Variants in ASTN2 observed in about 807,000 individuals in gnomAD.
ASTN2 encodes the protein astrotactin-2.
Under a neutral mutation model 139.8 loss-of-function variants are expected in ASTN2, and 54 were observed. The ratio of observed to expected loss-of-function variants is 0.39; its 90% CI spans 0.31 to 0.48. The LOEUF (loss-of-function observed/expected upper bound fraction) is 0.48, where lower values mean the gene tolerates loss of function less well. Among genes scored for constraint, ASTN2 ranks in the 20% least tolerant of loss-of-function variants. The pLI, the probability that ASTN2 is intolerant of heterozygous loss-of-function variation, is 0.95. For synonymous variants in ASTN2, 756 were observed against 719.5 expected (o/e 1.05, Z -0.81); for missense variants, 1,565 against 1,725.1 (o/e 0.91, Z 1.64).
At chr9:117,293,730 C>A (rs997309178) in intron 1 of ASTN2, among the ~76,000 whole-genome samples, 1 of 152,218 alleles carries the variant, frequency 6.6e-6, no homozygotes. Flanking sequence ...TGGCAGACAG[C>A]CAGCTGGGCC....
intron 1 of ASTN2, among the ~76,000 whole-genome samples, chr9:117,399,367 T>A (rs1184754720): frequency 6.6e-6 from 1 of 152,122 alleles, no homozygotes; most frequent in Non-Finnish European, 1.5e-5. Context: ...AGAAAAGATA[T>A]TTTTAAAATA....
At chr9:116,840,857 G>T (rs958156678) in intron 11 of ASTN2, among the ~76,000 whole-genome samples, 3 of 151,212 alleles carry the variant, frequency 2.0e-5, no homozygotes, top group Non-Finnish European at 2.9e-5. Flanking sequence ...TCCTAGATGG[G>T]ATGGCGGCCG....
Position 116,683,953 on chromosome 9 carries a change from G to T in ASTN2, c.2807-32160C>A, listed in dbSNP as rs956939540. On this transcript the variant is annotated intron_variant, in intron 16 of 22. Transcript: ENST00000313400. ...TGTATAGAGCCAATTAAAGCCCCCT[G>T]GGGAATCTAACCTCAGACCTTGTCT... 8.5e-5 allele frequency among the ~76,000 whole-genome samples: 13 copies of T among 152,272 alleles called. No individual in the cohort carries two copies. The South Asian group carries it at 2.7e-3, about 32-fold the overall frequency.
At chr9:116,635,982 C>G (rs1439955138) in intron 17 of ASTN2, among the ~76,000 whole-genome samples, 1 of 152,156 alleles carries the variant, frequency 6.6e-6, no homozygotes, top group African/African-American at 2.4e-5. Flanking sequence ...ATAGAAGAAA[C>G]TCTAGAATCC....
Position 116,780,198 on chromosome 9 carries a change from A to T in ASTN2, c.2396+25434T>A, listed in dbSNP as rs191078289. 1.4e-4 allele frequency among the ~76,000 whole-genome samples: 21 copies of T among 152,372 alleles called. No homozygotes were observed. In the East Asian group the frequency reaches 4.0e-3, roughly 29 times the overall value. On this transcript the variant is annotated intron_variant, in intron 13 of 22. Transcript: ENST00000313400. ...AAAGAAGCAAACGGTAGAATACCAAATTCTGTGTGGCCAGGGTGGAGCAGA... is the reference window on the plus strand; with the variant it reads ...AAAGAAGCAAACGGTAGAATACCAATTTCTGTGTGGCCAGGGTGGAGCAGA...
chr9:116,629,064 C>T (rs1856600330), intron 17 of ASTN2, among the ~76,000 whole-genome samples: 2 of 151,544 alleles, frequency 1.3e-5, no homozygotes, highest in African/African-American at 4.9e-5. Flanking sequence ...TTCCTATTAT[C>T]CTCCCAACAA....
In ASTN2 at chr9:116,567,754, A is replaced by C. The variant is rs373760033; in HGVS notation, c.3355+50570T>G. Among the ~76,000 whole-genome samples, 4 of 152,340 alleles carry C rather than the reference A, an allele frequency of 2.6e-5. 1 individual carries two copies. The highest frequency in any genetic ancestry group is 1.9e-4 in the East Asian group (1 of 5,188). ...ACGGTTGGCAGGCAGAAGGCAGGAC[A>C]GATCATACTACTAGTTATTGAATAA... On this transcript the variant is annotated intron_variant, in intron 19 of 22. Coordinates refer to ENST00000313400, the MANE Select transcript of ASTN2 (RefSeq NM_001365068.1).
intron 10 of ASTN2, among the ~76,000 whole-genome samples, chr9:116,894,604 C>T (rs1309100231): frequency 6.6e-6 from 1 of 152,198 alleles, no homozygotes; most frequent in Non-Finnish European, 1.5e-5. Context: ...ATCCTCCTGC[C>T]TCAACCTCCC....
intron 3 of ASTN2, among the ~76,000 whole-genome samples, chr9:117,204,138 T>C (rs780995563): frequency 1.3e-5 from 2 of 152,220 alleles, no homozygotes; most frequent in Non-Finnish European, 2.9e-5. Context: ...TGTGGCCGCC[T>C]ACTGCCATTG....
intron 1 of ASTN2, among the ~76,000 whole-genome samples, chr9:117,297,137 G>A (rs1162764883): frequency 1.3e-5 from 2 of 152,184 alleles, no homozygotes; most frequent in East Asian, 3.9e-4. Context: ...TCTCCCAAGT[G>A]GCTAACTAAC....
intron 1 of ASTN2, among the ~76,000 whole-genome samples, chr9:117,370,707 C>T (rs1829967646): frequency 7.0e-6 from 1 of 143,542 alleles, no homozygotes; most frequent in Admixed American, 7.0e-5. Context: ...ACATGTCAAA[C>T]TCTTTTTTTT....
Position 116,425,845 on chromosome 9 carries a change from C to T in ASTN2, c.*6G>A. 6 of 1,614,076 alleles carry T rather than the reference C, an allele frequency of 3.7e-6. No homozygotes were observed. The highest frequency in any genetic ancestry group is 5.1e-6 in the Non-Finnish European group (6 of 1,180,014). On this transcript the variant is annotated 3_prime_UTR_variant, in exon 23 of 23. Coordinates refer to ENST00000313400, the MANE Select transcript of ASTN2 (RefSeq NM_001365068.1). ...TCTCTGTGCTCACGGAGGGCAATAC[C>T]CTCCCTCACCGGCCCTTGGACTCCC...
chr9:116,748,094 C>A (rs576121924), intron 13 of ASTN2, among the ~76,000 whole-genome samples: 2 of 152,278 alleles, frequency 1.3e-5, no homozygotes, highest in African/African-American at 4.8e-5. Flanking sequence ...GGCCCTCACA[C>A]CTTGACATAA....
At chr9:117,148,110 C>T (rs1275048332) in intron 3 of ASTN2, among the ~76,000 whole-genome samples, 1 of 152,322 alleles carries the variant, frequency 6.6e-6, no homozygotes, top group South Asian at 2.1e-4. Context: ...ACCCATGTCT[C>T]ACTGCAGAAC....
intron 1 of ASTN2, among the ~76,000 whole-genome samples, chr9:117,329,528 C>T (rs894536891): frequency 6.6e-6 from 1 of 152,028 alleles, no homozygotes; most frequent in Non-Finnish European, 1.5e-5. Flanking sequence ...GGGGCCCTGG[C>T]ACTGGTGGGT....
At chr9:117,323,897 A>T (rs10983619) in intron 1 of ASTN2, among the ~76,000 whole-genome samples, 1 of 151,990 alleles carries the variant, frequency 6.6e-6, no homozygotes, top group African/African-American at 2.4e-5. Flanking sequence ...TGTGTAACTC[A>T]CTTCACTTAA....
At chr9:116,807,925 CAT>C (rs978831463) in intron 12 of ASTN2, among the ~76,000 whole-genome samples, 2 of 146,504 alleles carry the variant, frequency 1.4e-5, no homozygotes, top group African/African-American at 5.1e-5. Context: ...GCCCAGCCAA[CAT>C]AGTGAAATCC....
intron 19 of ASTN2, among the ~76,000 whole-genome samples, chr9:116,563,544 T>C (rs977249991): frequency 9.9e-5 from 15 of 152,148 alleles, no homozygotes; most frequent in Non-Finnish European, 1.5e-4. Context: ...TGCTATTCCC[T>C]CTACCTGAGA....
intron 10 of ASTN2, among the ~76,000 whole-genome samples, chr9:116,900,036 G>T (rs577310480): frequency 6.6e-6 from 1 of 152,122 alleles, no homozygotes; most frequent in African/African-American, 2.4e-5. Context: ...GCCCCTGCTC[G>T]TCAAACTATC....
Sources: gnomAD v4.1 joint callset for allele counts (sites outside exome capture counted in the v4.1 genomes callset) on GRCh38, gnomAD v4.1.1 for gene constraint, MANE v1.5 for transcripts, NCBI Gene and HGNC (gene_info 2026-07-23, HGNC 2026-07-21) for gene names.